The following DTX1 variants were observed in gnomAD, a reference collection of about 807,000 sequenced individuals.
DTX1 encodes the protein deltex E3 ubiquitin ligase 1.
DTX1 carries 26 observed loss-of-function variants against 57.8 expected under a neutral mutation model. The observed-to-expected ratio is 0.45, with a 90% CI of 0.33 to 0.62. DTX1 has a LOEUF of 0.62. Among genes scored for constraint, DTX1 ranks in the 20% least tolerant of loss-of-function variants. The probability of loss-of-function intolerance (pLI) is 0.02; values close to 1 mark genes in which losing one functional copy is unlikely to be tolerated. For missense variants in DTX1, 704 were observed against 895.3 expected (o/e 0.79, Z 2.73); for synonymous variants, 398 against 394.1 (o/e 1.01, Z -0.12).
chr12:113,076,565 A>C (rs1197424116), intron 2 of DTX1, among the ~76,000 whole-genome samples: 1 of 152,092 alleles, frequency 6.6e-6, no homozygotes, highest in East Asian at 1.9e-4. Flanking sequence ...AGAGTTTGAG[A>C]CTTAGCCTGG....
Position 113,093,633 on chromosome 12 carries a change from C to T in DTX1, c.1098C>T (p.Ser366=). The change falls in exon 5 of 10, where the codon AGC becomes AGT. Residue 366 remains serine (S), a synonymous_variant. Transcript: ENST00000548759. This position sits in a 1 kb window ranked among gnomAD's most constrained non-coding sequence, Gnocchi z 4.2. ...PILHPPPVSK[S]DVKPVPGVPG... ...TGCACCCGCCGCCCGTGAGCAAGAG[C>T]GACGTGAAGCCCGTGCCTGGCGTGC... The T allele has an allele frequency of 6.2e-7, 1 of 1,613,576 alleles. No individual in the cohort carries two copies. The highest frequency in any genetic ancestry group is 8.5e-7 in the Non-Finnish European group (1 of 1,179,872).
chr12:113,072,027 C>T (rs1049651245), intron 2 of DTX1, among the ~76,000 whole-genome samples: 7 of 152,212 alleles, frequency 4.6e-5, no homozygotes, highest in African/African-American at 9.6e-5. Context: ...AGCTGGCCAA[C>T]GCTGATGTTG....
chr12:113,091,831 C>T (rs1950251038), intron 3 of DTX1, among the ~76,000 whole-genome samples: 1 of 152,186 alleles, frequency 6.6e-6, no homozygotes, highest in South Asian at 2.1e-4. Flanking sequence ...CTTCCTGCCC[C>T]CTCTCCTGGC....
chr12:113,091,680 CT>C (rs1950248699), intron 3 of DTX1, among the ~76,000 whole-genome samples: 1 of 140,798 alleles, frequency 7.1e-6, no homozygotes, highest in East Asian at 1.9e-4. Context: ...GCACCATTTG[CT>C]TGAAGATGCT....
chr12:113,072,252 A>G (rs1053234422), intron 2 of DTX1, among the ~76,000 whole-genome samples: 4 of 152,248 alleles, frequency 2.6e-5, no homozygotes, highest in Non-Finnish European at 4.4e-5. Context: ...ACATAGTTGC[A>G]TATCTGACCT....
chr12:113,077,857 G>A lies in DTX1; in HGVS notation c.693G>A (p.Pro231=). The A allele has an allele frequency of 2.3e-6, 3 of 1,319,194 alleles. No individual in the cohort carries two copies. The highest frequency in any genetic ancestry group is 3.2e-5 in the East Asian group (1 of 31,416). The allele number at this position is 1,319,194 out of a possible 1,614,324, so 81.7% of individuals were successfully genotyped here. ...SQRRKAPPAP[P]LPPPPPPGGP... Reference sequence around the variant, plus strand: ...GCCGCAAGGCGCCCCCCGCGCCCCCGCTGCCGCCGCCGCCGCCACCTGGAG... The same window carrying A: ...GCCGCAAGGCGCCCCCCGCGCCCCCACTGCCGCCGCCGCCGCCACCTGGAG... The change falls in exon 3 of 10, where the codon CCG becomes CCA. Residue 231 remains proline (P), a synonymous_variant. Transcript: ENST00000548759. This position sits in a 1 kb window ranked among gnomAD's most constrained non-coding sequence, Gnocchi z 7.8.
chr12:113,078,282 A>G (rs957091085), intron 3 of DTX1, among the ~76,000 whole-genome samples, 177 bp downstream of exon 3: 10 of 152,122 alleles, frequency 6.6e-5, no homozygotes, highest in Admixed American at 1.3e-4. Flanking sequence ...GCACCTTTAC[A>G]TGTTCCCACA....
At chr12:113,080,708 C>T (rs1016620784) in intron 3 of DTX1, among the ~76,000 whole-genome samples, 9 of 151,998 alleles carry the variant, frequency 5.9e-5, no homozygotes, top group South Asian at 2.1e-4. Flanking sequence ...GGGAACAGTG[C>T]CTCATGCCTG....
At chr12:113,085,337 A>G (rs746646289) in intron 3 of DTX1, among the ~76,000 whole-genome samples, 23 of 152,216 alleles carry the variant, frequency 1.5e-4, no homozygotes, top group Non-Finnish European at 2.8e-4. Flanking sequence ...GGCGTGAGCC[A>G]CAGTGCCCAG....
chr12:113,091,854 G>A (rs1312115773), intron 3 of DTX1, among the ~76,000 whole-genome samples: 1 of 152,098 alleles, frequency 6.6e-6, no homozygotes. Flanking sequence ...ATCCCCCAAG[G>A]CCTTCAGGCT....
At chr12:113,094,126 G>GGGGGGGGGGGGGGGGGGC in intron 6 of DTX1, 27 bp downstream of exon 6, 1 of 964,910 alleles carries the variant, frequency 1.0e-6, no homozygotes. Context: ...GGGGCTGGGG[G>GGGGGGGGGGGGGGGGGGC]AGGGCCCTGG....
At chr12:113,086,254 G>A (rs1178797355) in intron 3 of DTX1, among the ~76,000 whole-genome samples, 1 of 138,606 alleles carries the variant, frequency 7.2e-6, no homozygotes, top group African/African-American at 2.6e-5. Flanking sequence ...GCAAAACCCT[G>A]TATCAAGAAA....
At position 113,097,261 on chromosome 12, in the gene DTX1, C is replaced by T. The variant is rs1196976074; in HGVS notation, c.*322C>T. 3.4e-6 allele frequency: 1 copy of T among 293,084 alleles called. No homozygotes were observed. The highest frequency in any genetic ancestry group is 5.0e-5 in the Admixed American group (1 of 20,148). 18.2% of individuals were successfully genotyped at this position (293,084 alleles called of 1,614,324 possible). A position where few individuals can be genotyped will look rare whatever the true frequency, so the allele number is the denominator to read the frequency against. On this transcript the variant is annotated 3_prime_UTR_variant, in exon 10 of 10. Coordinates refer to ENST00000548759, the MANE Select transcript of DTX1 (RefSeq NM_004416.3). ...CGCACACCCACGTGCCTGTACTTGC[C>T]CCCAGGCTGGAAGAGAAGAGACAGA...
intron 9 of DTX1, among the ~76,000 whole-genome samples, chr12:113,095,930 G>A (rs1010772137): frequency 1.8e-4 from 27 of 152,180 alleles, no homozygotes; most frequent in Admixed American, 1.7e-3. Flanking sequence ...AGGCAGGGCC[G>A]GGTGTGGTGG....
At chr12:113,064,618 G>A (rs2044691020) in intron 2 of DTX1, among the ~76,000 whole-genome samples, 1 of 152,206 alleles carries the variant, frequency 6.6e-6, no homozygotes, top group Non-Finnish European at 1.5e-5. Context: ...CTTGCTGGCT[G>A]TGTGACCATG....
intron 2 of DTX1, among the ~76,000 whole-genome samples, chr12:113,069,541 T>C (rs2044726119): frequency 6.6e-6 from 1 of 152,064 alleles, no homozygotes; most frequent in Non-Finnish European, 1.5e-5. Flanking sequence ...GGCCACAGCT[T>C]AGCCTGATGA....
chr12:113,064,269 T>C (rs2044689282), intron 2 of DTX1, among the ~76,000 whole-genome samples: 2 of 152,200 alleles, frequency 1.3e-5, no homozygotes, highest in Non-Finnish European at 2.9e-5. Context: ...GTCCAGCTAA[T>C]CCATATGTGG....
In DTX1 at chr12:113,096,878, T is replaced by A; in HGVS notation, c.1802T>A (p.Leu601Gln). Residue 601 changes from leucine (L) to glutamine (Q), a missense_variant, in exon 10 of 10, where the codon CTA becomes CAA. Around this residue, in one of 3 missense-constraint regions of DTX1, gnomAD observed 168 missense variants for 255.6 expected, o/e 0.66. Coordinates refer to ENST00000548759, the MANE Select transcript of DTX1 (RefSeq NM_004416.3). ...TGHGYPDASY[L>Q]DNVLAELTAQ... The stretch of plus-strand genomic sequence containing the variant: ...CACGGCTACCCGGACGCTAGCTACC[T>A]AGACAACGTGCTGGCTGAGCTCACA... The A allele has an allele frequency of 6.2e-7, 1 of 1,613,652 alleles. No individual in the cohort carries two copies. The highest frequency in any genetic ancestry group is 8.5e-7 in the Non-Finnish European group (1 of 1,180,028).
chr12:113,087,547 G>A (rs991865347), intron 3 of DTX1, among the ~76,000 whole-genome samples: 2 of 152,098 alleles, frequency 1.3e-5, no homozygotes, highest in African/African-American at 4.8e-5. Context: ...CTGAAAGTGG[G>A]GAAAGGTGAC....
Sources: allele counts gnomAD v4.1 joint callset (sites outside exome capture counted in the v4.1 genomes callset), GRCh38; gene constraint gnomAD v4.1.1; regional missense constraint gnomAD v4.1.1; non-coding constraint Gnocchi (gnomAD v3.1); transcripts MANE v1.5; gene names NCBI Gene and HGNC (gene_info 2026-07-23, HGNC 2026-07-21).